Variants in YAF2 observed in about 807,000 individuals in gnomAD.
YAF2 encodes the protein YY1 associated factor 2.
A neutral mutation model predicts 20.1 loss-of-function variants in YAF2; 7 were observed. The observed-to-expected ratio is 0.35, with a 90% confidence interval of 0.20 to 0.65. The LOEUF is 0.65. Ranked by LOEUF, YAF2 falls within the 30% of genes least tolerant of loss-of-function variation. YAF2 has a pLI of 0.69. For missense variants in YAF2, 151 were observed against 219.2 expected (o/e 0.69, Z 1.96); for synonymous variants, 74 against 76.0 (o/e 0.97, Z 0.14).
At chr12:42,163,241 G>A (rs1377945860) in intron 2 of YAF2, among the ~76,000 whole-genome samples, 1 of 152,072 alleles carries the variant, frequency 6.6e-6, no homozygotes, top group Non-Finnish European at 1.5e-5. Flanking sequence ...GAGATGGAGA[G>A]CAGAGTGGCA....
intron 2 of YAF2, among the ~76,000 whole-genome samples, chr12:42,197,650 A>G (rs2066788933): frequency 6.6e-6 from 1 of 152,188 alleles, no homozygotes. Context: ...AAAACTAGAC[A>G]CTCAGAATGG....
intron 2 of YAF2, among the ~76,000 whole-genome samples, chr12:42,227,636 C>T (rs1268629565): frequency 6.7e-6 from 1 of 150,090 alleles, no homozygotes; most frequent in Admixed American, 6.6e-5. Context: ...GGAGCCCCTC[C>T]GCCCAGCAGC....
intron 2 of YAF2, among the ~76,000 whole-genome samples, chr12:42,204,180 T>G (rs761711593): frequency 1.6e-4 from 24 of 152,306 alleles, no homozygotes; most frequent in Non-Finnish European, 2.9e-4. Flanking sequence ...TACAGAAAAG[T>G]GTGAACCTTT....
chr12:42,191,927 T>C (rs960900324), intron 2 of YAF2, among the ~76,000 whole-genome samples: 1 of 150,446 alleles, frequency 6.6e-6, no homozygotes, highest in Non-Finnish European at 1.5e-5. Flanking sequence ...CTGTCTCTAC[T>C]AAAAATACAA....
intron 2 of YAF2, among the ~76,000 whole-genome samples, chr12:42,228,411 G>A (rs1452318693): frequency 3.4e-5 from 2 of 58,066 alleles, no homozygotes; most frequent in Non-Finnish European, 6.1e-5. Context: ...CAGCCGCCCC[G>A]TCCGGGAGGG....
At chr12:42,191,596 C>T (rs12298116) in intron 2 of YAF2, among the ~76,000 whole-genome samples, 2,283 of 152,148 alleles carry the variant, frequency 0.015, 54 homozygotes, top group African/African-American at 0.052. Context: ...CTGAATTTTT[C>T]CTTGTTTTCC....
At chr12:42,200,509 G>T (rs2066871839) in intron 2 of YAF2, among the ~76,000 whole-genome samples, 1 of 152,036 alleles carries the variant, frequency 6.6e-6, no homozygotes. Context: ...AACAACAAAG[G>T]TCAATCTTTC....
intron 2 of YAF2, among the ~76,000 whole-genome samples, chr12:42,223,615 C>T (rs1378501094): frequency 6.6e-6 from 1 of 152,068 alleles, no homozygotes; most frequent in Non-Finnish European, 1.5e-5. Flanking sequence ...CCTGCCTCAG[C>T]CTGTAAAAGT....
intron 2 of YAF2, among the ~76,000 whole-genome samples, chr12:42,177,254 T>C (rs931794394): frequency 6.6e-6 from 1 of 152,156 alleles, no homozygotes; most frequent in Admixed American, 6.5e-5. Flanking sequence ...TATTCCAGTG[T>C]CTTAGTCTGC....
chr12:42,200,410 C>T (rs529341366), intron 2 of YAF2, among the ~76,000 whole-genome samples: 1 of 152,182 alleles, frequency 6.6e-6, no homozygotes, highest in Admixed American at 6.5e-5. Flanking sequence ...ATCCCTAGCA[C>T]CTAGTGCTTA....
chr12:42,223,950 G>A (rs1189332579), intron 2 of YAF2, among the ~76,000 whole-genome samples: 1 of 151,912 alleles, frequency 6.6e-6, no homozygotes, highest in Non-Finnish European at 1.5e-5. Context: ...CTAGATGATG[G>A]GTTGATGGAT....
intron 2 of YAF2, among the ~76,000 whole-genome samples, chr12:42,162,498 G>T (rs1235623909): frequency 6.6e-6 from 1 of 152,098 alleles, no homozygotes; most frequent in African/African-American, 2.4e-5. Context: ...TGAGGTTAAG[G>T]TTCAAAATAC....
intron 2 of YAF2, among the ~76,000 whole-genome samples, chr12:42,230,976 A>G (rs768290739): frequency 6.6e-5 from 10 of 151,920 alleles, no homozygotes; most frequent in South Asian, 2.1e-4. Context: ...GCCTCACACT[A>G]TAAAGGAAAT....
At chr12:42,187,538 G>C (rs984385446) in intron 2 of YAF2, among the ~76,000 whole-genome samples, 1 of 151,966 alleles carries the variant, frequency 6.6e-6, no homozygotes, top group Non-Finnish European at 1.5e-5. Context: ...GAATACTAAA[G>C]ATTGAGATAC....
chr12:42,171,269 G>A, intron 2 of YAF2, among the ~76,000 whole-genome samples: 1 of 152,276 alleles, frequency 6.6e-6, no homozygotes, highest in South Asian at 2.1e-4. Flanking sequence ...GGGATTACAG[G>A]TGTGAGCCAC....
At position 42,229,528 on chromosome 12, in the gene YAF2, T is replaced by C. The variant is rs566186862; in HGVS notation, c.152+8071A>G. Among the ~76,000 whole-genome samples, 133 of 152,356 alleles carry C rather than the reference T, an allele frequency of 8.7e-4. 1 individual carries two copies. Among genetic ancestry groups the C allele is most frequent in the African/African-American group, 3.0e-3 (125 of 41,592 alleles). ...GTCTCTGCCCTGTAGGGCAGATAAG[T>C]GTCTAGACAATTATACTACAATATA... On this transcript the variant is annotated intron_variant, in intron 2 of 3. Transcript: ENST00000534854.
chr12:42,216,417 T>C (rs1202646309), intron 2 of YAF2, among the ~76,000 whole-genome samples: 1 of 152,160 alleles, frequency 6.6e-6, no homozygotes. Flanking sequence ...CCCCCTCTTT[T>C]TGAAAATATC....
rs149096959 is a variant in YAF2, at chr12:42,193,656, G to A, written c.153-31891C>T. 5.2e-3 allele frequency among the ~76,000 whole-genome samples: 791 copies of A among 152,238 alleles called. 7 individuals carry two copies. The highest frequency in any genetic ancestry group is 9.1e-3 in the Non-Finnish European group (616 of 68,018). ...TGAGTAGCTAGGACTACAGATGCATGAACACCCAGCTAATTTTTTTGTATT... is the reference window on the plus strand; with the variant it reads ...TGAGTAGCTAGGACTACAGATGCATAAACACCCAGCTAATTTTTTTGTATT... On this transcript the variant is annotated intron_variant, in intron 2 of 3. Transcript: ENST00000534854.
intron 2 of YAF2, among the ~76,000 whole-genome samples, chr12:42,224,224 C>T (rs1351630862): frequency 2.0e-5 from 3 of 152,110 alleles, no homozygotes; most frequent in Non-Finnish European, 2.9e-5. Flanking sequence ...TGGGTTTCAT[C>T]CACAATTCTG....
Sources: allele counts gnomAD v4.1 joint callset (sites outside exome capture counted in the v4.1 genomes callset), GRCh38; gene constraint gnomAD v4.1.1; transcripts MANE v1.5; gene names NCBI Gene and HGNC (gene_info 2026-07-23, HGNC 2026-07-21).